TRMU: variants seen among roughly 807,000 people sequenced by gnomAD.
TRMU encodes tRNA mitochondrial 2-thiouridylase, also known as mitochondrial tRNA-specific 2-thiouridylase 1.
Under a neutral mutation model 46.9 loss-of-function variants are expected in TRMU, and 49 were observed. The ratio of observed to expected loss-of-function variants is 1.05; its 90% CI spans 0.83 to 1.33. The LOEUF (loss-of-function observed/expected upper bound fraction) is 1.33, where lower values mean the gene tolerates loss of function less well. Among genes scored for constraint, TRMU ranks in the 40% most tolerant of loss-of-function variants. The pLI is 0.00. For synonymous variants in TRMU, 241 were observed against 200.9 expected (o/e 1.20, Z -1.69); for missense variants, 572 against 532.4 (o/e 1.07, Z -0.73).
In TRMU at chr22:46,344,427, T is replaced by A. The variant is rs144194823; in HGVS notation, c.355+1059T>A. Among the ~76,000 whole-genome samples, 725 of 152,340 alleles carry A rather than the reference T, an allele frequency of 4.8e-3. 8 individuals carry two copies. The highest frequency in any genetic ancestry group is 0.017 in the African/African-American group (695 of 41,568). On this transcript the variant is annotated intron_variant, in intron 3 of 10. Coordinates refer to ENST00000645190, the MANE Select transcript of TRMU (RefSeq NM_018006.5). Reference sequence around the variant, plus strand: ...TTTATTTTCAGGGTATCTGGAAATATGTCCTCCCTGAACTGTTGAAATTAC... The same window carrying A: ...TTTATTTTCAGGGTATCTGGAAATAAGTCCTCCCTGAACTGTTGAAATTAC...
At chr22:46,355,337 C>T in intron 8 of TRMU, 107 bp from the exon 9 acceptor site, 1 of 1,453,348 alleles carries the variant, frequency 6.9e-7, no homozygotes, top group Admixed American at 1.9e-5. Flanking sequence ...GCACCGTTAC[C>T]TGTGTGTGTG....
intron 2 of TRMU, among the ~76,000 whole-genome samples, chr22:46,341,729 T>C (rs1218349665): frequency 6.6e-6 from 1 of 152,270 alleles, no homozygotes; most frequent in African/African-American, 2.4e-5. Flanking sequence ...TAAGTTTTGC[T>C]GGTATCATGG....
At chr22:46,344,867 T>G (rs1257535988) in intron 3 of TRMU, among the ~76,000 whole-genome samples, 1 of 152,206 alleles carries the variant, frequency 6.6e-6, no homozygotes, top group Non-Finnish European at 1.5e-5. Flanking sequence ...TCAGTCAAGA[T>G]GAGATTATGT....
chr22:46,355,009 G>T, intron 8 of TRMU: 1 of 243,172 alleles, frequency 4.1e-6, no homozygotes, highest in Non-Finnish European at 8.2e-6. Context: ...TCAGCCATTT[G>T]GTGTGTGGAG....
intron 8 of TRMU, chr22:46,354,172 G>A (rs544362676): frequency 8.2e-5 from 30 of 364,726 alleles, no homozygotes; most frequent in Non-Finnish European, 1.3e-4. Context: ...TGGCTCATCC[G>A]GTGGAGAGGG....
Position 46,351,957 on chromosome 22 carries a change from GC to G in TRMU, c.652-163del. ...TAAGGCTCTGGCATCGTGTGCGCCG[GC>G]TGTGACTGGCGGCCGAGGGTGCCGG... is the stretch of plus-strand genomic sequence containing the variant. On this transcript the variant is annotated intron_variant, in intron 5 of 10. Transcript: ENST00000645190. The surrounding 1 kb of genome is among the most constrained non-coding windows in gnomAD (Gnocchi z 6.4). The G allele has an allele frequency of 1.3e-6, 1 of 793,758 alleles. No homozygotes were observed. 49.2% of individuals were successfully genotyped at this position (793,758 alleles called of 1,614,324 possible). A position where few individuals can be genotyped will look rare whatever the true frequency, so the allele number is the denominator to read the frequency against.
chr22:46,355,357 A>T, intron 8 of TRMU, 87 bp from the exon 9 acceptor site: 2 of 1,550,492 alleles, frequency 1.3e-6, no homozygotes, highest in South Asian at 1.2e-5. Flanking sequence ...GTGTGCTGGT[A>T]GGACAGTTGT....
Position 46,350,587 on chromosome 22 carries a change from G to A in TRMU, c.651+124G>A. The A allele has an allele frequency of 1.6e-6, 2 of 1,238,510 alleles. No individual in the cohort carries two copies. Among genetic ancestry groups the A allele is most frequent in the East Asian group, 4.8e-5 (2 of 41,308 alleles). 76.7% of individuals were successfully genotyped at this position (1,238,510 alleles called of 1,614,324 possible). ...CTCCAGGACCTAACATCAAAGGCGG[G>A]CCTTGGAGCAATAGATGGAGGAGTT... On this transcript the variant is annotated intron_variant, in intron 5 of 10. Coordinates refer to ENST00000645190, the MANE Select transcript of TRMU (RefSeq NM_018006.5). This position sits in a 1 kb window ranked among gnomAD's most constrained non-coding sequence, Gnocchi z 4.6.
chr22:46,351,967 G>T lies in TRMU; in HGVS notation c.652-154G>T, dbSNP rs951127290. ...GCATCGTGTGCGCCGGCTGTGACTG[G>T]CGGCCGAGGGTGCCGGTGGGCAGCC... On this transcript the variant is annotated intron_variant, in intron 5 of 10. Coordinates refer to ENST00000645190, the MANE Select transcript of TRMU (RefSeq NM_018006.5). This position sits in a 1 kb window ranked among gnomAD's most constrained non-coding sequence, Gnocchi z 6.4. The T allele has an allele frequency of 3.3e-5, 27 of 823,710 alleles. No homozygotes were observed. The highest frequency in any genetic ancestry group is 5.1e-5 in the Admixed American group (3 of 58,432). 51.0% of individuals were successfully genotyped at this position (823,710 alleles called of 1,614,324 possible).
rs556417602 is a variant in TRMU, at chr22:46,342,598, C to G, written c.249-664C>G. 2.6e-5 allele frequency among the ~76,000 whole-genome samples: 4 copies of G among 152,286 alleles called. No homozygotes were observed. The South Asian group carries it at 6.2e-4, about 24-fold the overall frequency. The stretch of plus-strand genomic sequence containing the variant: ...TTAGGAGGCTGAGGCAGGAGACTTG[C>G]TTGAGGCCTGGAGTTCAGTATCAGC... On this transcript the variant is annotated intron_variant, in intron 2 of 10. Coordinates refer to ENST00000645190, the MANE Select transcript of TRMU (RefSeq NM_018006.5). This position sits in a 1 kb window ranked among gnomAD's most constrained non-coding sequence, Gnocchi z 4.7.
Position 46,335,804 on chromosome 22 carries a change from G to A in TRMU, c.40G>A (p.Gly14Ser), listed in dbSNP as rs751248771. Residue 14 changes from glycine (G) to serine (S), a missense_variant, in exon 1 of 11, where the codon GGC (glycine) becomes AGC (serine). Gly to Ser is a moderately conservative substitution (Grantham distance 56). Coordinates refer to ENST00000645190, the MANE Select transcript of TRMU (RefSeq NM_018006.5). Reference protein sequence around the residue: ...LRHVVCALSGGVDSAVAALLL... With the variant: ...LRHVVCALSGSVDSAVAALLL... ...GCACGTCGTGTGCGCCCTGTCCGGC[G>A]GCGTGGACAGCGCCGTGGCCGCGCT... 22 of 1,561,634 alleles carry A rather than the reference G, an allele frequency of 1.4e-5. No homozygotes were observed. Among genetic ancestry groups the A allele is most frequent in the Admixed American group, 3.7e-5 (2 of 53,652 alleles).
intron 10 of TRMU, 70 bp from the exon 11 acceptor site, chr22:46,356,772 G>A (rs779758621): frequency 9.0e-5 from 143 of 1,583,798 alleles, no homozygotes; most frequent in Admixed American, 3.5e-4. Context: ...CCATAGGGGA[G>A]CACTCTGCCC....
At chr22:46,345,325 G>C (rs1217317190) in intron 3 of TRMU, among the ~76,000 whole-genome samples, 2 of 152,088 alleles carry the variant, frequency 1.3e-5, no homozygotes, top group Admixed American at 1.3e-4. Flanking sequence ...CACCCACATC[G>C]GCCTCCTAAA....
chr22:46,346,759 A>G (rs1374497164), intron 4 of TRMU, among the ~76,000 whole-genome samples: 3 of 152,258 alleles, frequency 2.0e-5, no homozygotes, highest in Non-Finnish European at 4.4e-5. Context: ...CCTGCCGGCC[A>G]TGGTGAGGGC....
At chr22:46,355,132 C>T (rs2078558306) in intron 8 of TRMU, 1 of 492,848 alleles carries the variant, frequency 2.0e-6, no homozygotes, top group East Asian at 3.7e-5. Context: ...CAGGTGGTTG[C>T]AGGTAGAGGG....
chr22:46,350,366 TGAG>T lies in TRMU; in HGVS notation c.558_560del (p.Arg187del). ...CTCAGCCAGGTTTCCCAGGATGCCC[TGAG>T]GAGAACCATCTTCCCTCTGGGGGGA... is the stretch of plus-strand genomic sequence containing the variant. On this transcript the variant is annotated inframe_deletion, in exon 5 of 11. Transcript: ENST00000645190. The surrounding 1 kb of genome is among the most constrained non-coding windows in gnomAD (Gnocchi z 4.6). 6.2e-7 allele frequency: 1 copy of T among 1,614,236 alleles called. No homozygotes were observed. The highest frequency in any genetic ancestry group is 8.5e-7 in the Non-Finnish European group (1 of 1,180,022).
chr22:46,355,749 CCTGAGCGAGGCCTGGGGGTGCT>C (rs1441691088), intron 9 of TRMU, 161 bp downstream of exon 9: 1 of 1,313,970 alleles, frequency 7.6e-7, no homozygotes, highest in East Asian at 2.5e-5. Flanking sequence ...CTGTGCCTGC[CCTGAGCGAGGCCTGGGGGTGCT>C]GGGAGCAGAT....
At chr22:46,341,061 A>G (rs1395941393) in intron 2 of TRMU, among the ~76,000 whole-genome samples, 1 of 152,208 alleles carries the variant, frequency 6.6e-6, no homozygotes, top group Non-Finnish European at 1.5e-5. Context: ...CAGAGTCCAG[A>G]TACGTTTTAG....
rs1371165093 is a variant in TRMU at position 46,349,354 on chromosome 22, C to A, written c.479-937C>A. ...AACTGGGCCGGCTCCAGTCTCCCCT[C>A]TGTAACGTGGGGAGAATTCTCCCTC... On this transcript the variant is annotated intron_variant, in intron 4 of 10. Transcript: ENST00000645190. The surrounding 1 kb of genome is among the most constrained non-coding windows in gnomAD (Gnocchi z 4.6). Among the ~76,000 whole-genome samples the A allele has an allele frequency of 6.6e-6, 1 of 152,170 alleles. No homozygotes were observed. The highest frequency in any genetic ancestry group is 2.4e-5 in the African/African-American group (1 of 41,442).
Sources: gnomAD v4.1 joint callset for allele counts (sites outside exome capture counted in the v4.1 genomes callset) on GRCh38, gnomAD v4.1.1 for gene constraint, Gnocchi (gnomAD v3.1) non-coding constraint, MANE v1.5 for transcripts, NCBI Gene and HGNC (gene_info 2026-07-23, HGNC 2026-07-21) for gene names.